Variants in HAS2 observed in about 807,000 individuals in gnomAD.
HAS2 encodes HA synthase 2.
A neutral mutation model predicts 51.6 loss-of-function variants in HAS2; 16 were observed. The observed-to-expected ratio is 0.31, with a 90% CI of 0.21 to 0.47. The LOEUF (loss-of-function observed/expected upper bound fraction) is 0.47. Among genes scored for constraint, HAS2 ranks in the 20% least tolerant of loss-of-function variants. The pLI, the probability that HAS2 is intolerant of heterozygous loss-of-function variation, is 1.00. For missense variants in HAS2, 361 were observed against 662.6 expected, an observed-to-expected ratio of 0.54 and a Z score of 5.00; for synonymous variants, 228 against 235.5, an observed-to-expected ratio of 0.97 and a Z score of 0.29.
chr8:121,617,059 A>AAAG, intron 3 of HAS2, 46 bp downstream of exon 3: 1 of 1,041,764 alleles, frequency 9.6e-7, no homozygotes, highest in Non-Finnish European at 1.5e-6. Flanking sequence ...AGTGCTCTTA[A>AAAG]AAGTATTTCA....
chr8:121,631,674 T>A (rs190327392), intron 1 of HAS2, among the ~76,000 whole-genome samples: 2 of 152,336 alleles, frequency 1.3e-5, no homozygotes, highest in Admixed American at 6.5e-5. Context: ...GTACGGCATC[T>A]CTTGTTAATT....
Position 121,628,806 on chromosome 8 carries a change from T to C in HAS2, c.535A>G (p.Lys179Glu), listed in dbSNP as rs753739975. ...QHVTQLVLSN[K>E]SICIMQKWGG... is the part of the protein sequence containing the mutation. ...CATTTTTGCATGATGCAGATACTTT[T>C]GTTGGACAAGACCAATTGCGTTACG... Residue 179 changes from lysine to glutamate, a missense_variant, in exon 2 of 4, where the codon AAA (lysine) becomes GAA (glutamate). Physicochemically the swap from Lys to Glu is moderately conservative, Grantham distance 56 (BLOSUM62 1). Transcript: ENST00000303924. 2 of 1,614,050 alleles carry C rather than the reference T, an allele frequency of 1.2e-6. No homozygotes were observed. The highest frequency in any genetic ancestry group is 1.7e-5 in the Admixed American group (1 of 60,010).
At chr8:121,617,256 A>G in intron 2 of HAS2, 50 bp from the exon 3 acceptor site, 1 of 1,113,376 alleles carries the variant, frequency 9.0e-7, no homozygotes, top group South Asian at 1.3e-5. Flanking sequence ...AGAACTATAA[A>G]TACATTCCCT....
intron 1 of HAS2, among the ~76,000 whole-genome samples, chr8:121,636,504 T>G (rs774437169): frequency 2.6e-5 from 4 of 152,162 alleles, no homozygotes. Flanking sequence ...CTTCCAGGGT[T>G]AGTATACAAG....
Position 121,628,938 on chromosome 8 carries a change from T to A in HAS2, c.403A>T (p.Ser135Cys), listed in dbSNP as rs1176938100. Residue 135 changes from serine (S) to cysteine (C), a missense_variant, in exon 2 of 4, where the codon AGT becomes TGT. This residue lies in a region of HAS2 where 145 missense variants were observed against 217.6 expected (regional missense o/e 0.67). Transcript: ENST00000303924. ...EDDLYMMDIF[S>C]EVMGRDKSAT... ...GATTTGTCTCTGCCCATGACTTCAC[T>A]GAAGATGTCCATCATGTAAAGGTCA... 5 of 1,614,068 alleles carry A rather than the reference T, an allele frequency of 3.1e-6. No homozygotes were observed. The highest frequency in any genetic ancestry group is 4.2e-6 in the Non-Finnish European group (5 of 1,179,916).
chr8:121,629,111 G>T lies in HAS2; in HGVS notation c.230C>A (p.Thr77Asn), dbSNP rs1412620825. ...AACTGTTTTGTTCAACTTTATGGGG[G>T]TTTCTAGGGATTTTTTCATTTTTCG... ...EHRKMKKSLETPIKLNKTVAL... is the reference protein window; with the variant it reads ...EHRKMKKSLENPIKLNKTVAL... Residue 77 changes from threonine to asparagine, a missense_variant, in exon 2 of 4, where the codon ACC becomes AAC. Thr to Asn is a moderately conservative substitution (Grantham distance 65). This residue lies in a region of HAS2 where 145 missense variants were observed against 217.6 expected (regional missense o/e 0.67). Coordinates refer to ENST00000303924, the MANE Select transcript of HAS2 (RefSeq NM_005328.3). The T allele has an allele frequency of 2.5e-6, 4 of 1,614,080 alleles. No individual in the cohort carries two copies. The African/African-American group carries it at 4.0e-5, about 16-fold the overall frequency.
intron 1 of HAS2, among the ~76,000 whole-genome samples, chr8:121,640,420 A>AGTGTGTGT (rs10578731): frequency 1.1e-3 from 169 of 148,384 alleles, no homozygotes; most frequent in Middle Eastern, 3.5e-3. Flanking sequence ...TTCTCCCCAC[A>AGTGTGTGT]GTGTGTGTGT....
intron 1 of HAS2, among the ~76,000 whole-genome samples, chr8:121,637,211 C>A (rs1380949899): frequency 1.3e-5 from 2 of 151,860 alleles, no homozygotes; most frequent in Non-Finnish European, 2.9e-5. Context: ...TTTTAATTAT[C>A]TGCAGTACAG....
intron 2 of HAS2, among the ~76,000 whole-genome samples, chr8:121,623,972 C>G (rs1435266572): frequency 6.6e-6 from 1 of 152,172 alleles, no homozygotes; most frequent in Non-Finnish European, 1.5e-5. Flanking sequence ...GAACACTGAA[C>G]TGGAAAATAC....
At chr8:121,618,784 T>C (rs568666387) in intron 2 of HAS2, among the ~76,000 whole-genome samples, 2 of 152,302 alleles carry the variant, frequency 1.3e-5, no homozygotes, top group East Asian at 3.9e-4. Flanking sequence ...CCCATTATTC[T>C]GCCATCAAGT....
rs1220670773 is a variant in HAS2 at position 121,641,150 on chromosome 8, TTTC to T, written c.-301_-299del. ...AAATAAATTAACTTTTCTTTTTTCTTTTCTTTTCTTTTTTTTTTTTTTTTTTTT... is the reference window on the plus strand; with the variant it reads ...AAATAAATTAACTTTTCTTTTTTCTTTTTTCTTTTTTTTTTTTTTTTTTTT... On this transcript the variant is annotated 5_prime_UTR_variant, in exon 1 of 4. Transcript: ENST00000303924. 3.3e-4 allele frequency: 31 copies of T among 92,694 alleles called. No individual in the cohort carries two copies. Among genetic ancestry groups the T allele is most frequent in the African/African-American group, 1.1e-3 (23 of 20,688 alleles). 5.7% of individuals were successfully genotyped at this position (92,694 alleles called of 1,614,324 possible). A position where few individuals can be genotyped will look rare whatever the true frequency, so the allele number is the denominator to read the frequency against.
intron 1 of HAS2, chr8:121,640,043 G>C (rs961193659): frequency 6.6e-6 from 1 of 152,226 alleles, no homozygotes; most frequent in Non-Finnish European, 1.5e-5. Flanking sequence ...CGCAGCGCGC[G>C]GTCCCCACGC....
intron 3 of HAS2, among the ~76,000 whole-genome samples, chr8:121,615,305 T>C (rs997407900): frequency 1.3e-5 from 2 of 152,138 alleles, no homozygotes; most frequent in South Asian, 2.1e-4. Flanking sequence ...GCTATTCTTA[T>C]TCTGTTTGTT....
chr8:121,615,535 G>A (rs1812688463), intron 3 of HAS2, among the ~76,000 whole-genome samples: 1 of 152,092 alleles, frequency 6.6e-6, no homozygotes, highest in South Asian at 2.1e-4. Context: ...ATTTTGGCCA[G>A]GCTGGTCTTG....
Position 121,613,930 on chromosome 8 carries a change from CT to C in HAS2, c.*178del, listed in dbSNP as rs1812668420. ...ATAACAGGTTAAATCTGAGTTTCTT[CT>C]TGTTGATGTATTGTTTTACTTTGGC... On this transcript the variant is annotated 3_prime_UTR_variant, in exon 4 of 4. Transcript: ENST00000303924. The C allele has an allele frequency of 2.4e-6, 2 of 829,950 alleles. No homozygotes were observed. The highest frequency in any genetic ancestry group is 5.4e-5 in the East Asian group (2 of 37,130). 51.4% of individuals were successfully genotyped at this position (829,950 alleles called of 1,614,324 possible).
Position 121,614,194 on chromosome 8 carries a change from A to T in HAS2, c.1574T>A (p.Met525Lys). The part of the protein sequence containing the change: ...GTLLYACYWV[M>K]LLTLYVVLIN... Reference sequence around the variant, plus strand: ...GAGAACTACATACAGCGTCAAAAGCATGACCCAATAGCATGCATAGAGCAA... The same window carrying T: ...GAGAACTACATACAGCGTCAAAAGCTTGACCCAATAGCATGCATAGAGCAA... Residue 525 changes from methionine to lysine, a missense_variant, in exon 4 of 4, where the codon ATG becomes AAG. By Grantham distance (95) the Met-to-Lys change is moderately conservative (BLOSUM62 -1). This residue lies in a region of HAS2 where 61 missense variants were observed against 73.1 expected (regional missense o/e 0.84). Coordinates refer to ENST00000303924, the MANE Select transcript of HAS2 (RefSeq NM_005328.3). This position sits in a 1 kb window ranked among gnomAD's most constrained non-coding sequence, Gnocchi z 7.2. 3 of 1,614,232 alleles carry T rather than the reference A, an allele frequency of 1.9e-6. No individual in the cohort carries two copies. The highest frequency in any genetic ancestry group is 2.5e-6 in the Non-Finnish European group (3 of 1,180,042).
chr8:121,622,561 G>T (rs1812787259), intron 2 of HAS2, among the ~76,000 whole-genome samples: 2 of 151,698 alleles, frequency 1.3e-5, no homozygotes, highest in African/African-American at 4.8e-5. Context: ...TCAATAAATG[G>T]AACTCATATA....
intron 2 of HAS2, among the ~76,000 whole-genome samples, chr8:121,621,504 T>C (rs941036998): frequency 6.6e-6 from 1 of 152,206 alleles, no homozygotes; most frequent in Non-Finnish European, 1.5e-5. Flanking sequence ...TAGTATAAGG[T>C]AATAGTCTTC....
At chr8:121,629,712 AC>A (rs1442883456) in intron 1 of HAS2, among the ~76,000 whole-genome samples, 1 of 152,174 alleles carries the variant, frequency 6.6e-6, no homozygotes, top group Admixed American at 6.6e-5. Flanking sequence ...AGTTTCTAAC[AC>A]CCAAAGAAGT....
Sources: allele counts gnomAD v4.1 joint callset (sites outside exome capture counted in the v4.1 genomes callset), GRCh38; gene constraint gnomAD v4.1.1; regional missense constraint gnomAD v4.1.1; non-coding constraint Gnocchi (gnomAD v3.1); transcripts MANE v1.5; gene names NCBI Gene and HGNC (gene_info 2026-07-23, HGNC 2026-07-21).